The following ABCA12 variants were observed in gnomAD, a reference collection of about 807,000 sequenced individuals.
ABCA12 encodes the protein ATP binding cassette subfamily A member 12.
A neutral mutation model predicts 293.5 loss-of-function variants in ABCA12; 156 were observed. That is an observed-to-expected ratio of 0.53 (90% CI 0.47 to 0.61). The LOEUF (loss-of-function observed/expected upper bound fraction) is 0.61. Among genes scored for constraint, ABCA12 ranks in the 20% least tolerant of loss-of-function variants. The pLI, the probability that ABCA12 is intolerant of heterozygous loss-of-function variation, is 0.00. For missense variants in ABCA12, 2,797 were observed against 3,090.2 expected (o/e 0.91, Z 2.25); for synonymous variants, 1,063 against 1,108.0 (o/e 0.96, Z 0.81).
At chr2:214,949,231 T>G (rs1698675028) in intron 45 of ABCA12, 82 bp from the exon 46 acceptor site, 2 of 960,726 alleles carry the variant, frequency 2.1e-6, no homozygotes, top group Non-Finnish European at 3.4e-6. Context: ...CTCTTCTCCC[T>G]GGGTGAAATA....
Position 215,004,204 on chromosome 2 carries a change from C to G in ABCA12, c.2683+5G>C, listed in dbSNP as rs1471001478. 1.9e-6 allele frequency: 3 copies of G among 1,612,060 alleles called. No individual in the cohort carries two copies. The African/African-American group carries it at 4.0e-5, about 22-fold the overall frequency. On this transcript the variant is annotated splice_donor_5th_base_variant and intron_variant, in intron 20 of 52. Transcript: ENST00000272895. ...TGAATAAAAGCTTTGTGAATTTGGA[C>G]TCACCGAGTTCATCTATCTGTTTCA...
In ABCA12 at chr2:214,937,551, T is replaced by G; in HGVS notation, c.7501A>C (p.Thr2501Pro). 1 of 1,614,000 alleles carries G rather than the reference T, an allele frequency of 6.2e-7. No homozygotes were observed. Among genetic ancestry groups the G allele is most frequent in the Non-Finnish European group, 8.5e-7 (1 of 1,179,914 alleles). Residue 2501 changes from threonine (T) to proline (P), a missense_variant, in exon 51 of 53, where the codon ACA becomes CCA. Physicochemically the swap from Thr to Pro is conservative, Grantham distance 38. Around this residue, in one of 3 missense-constraint regions of ABCA12, gnomAD observed 2,130 missense variants for 2,427.0 expected, o/e 0.88. Transcript: ENST00000272895. ...GGAAAGTGCAGCTGCATGAACTTTG[T>G]GAGGGTCTCCATGGTCACTTTGTTA... ...KNNKVTMETL[T>P]KFMQLHFPKT... is the part of the protein sequence containing the mutation.
At chr2:215,030,009 G>C (rs1481043536) in intron 9 of ABCA12, 1 of 152,134 alleles carries the variant, frequency 6.6e-6, no homozygotes, top group Non-Finnish European at 1.5e-5. Flanking sequence ...TTATTTTAAA[G>C]CTGGAATGGA....
chr2:215,135,011 G>A (rs1703180452), intron 1 of ABCA12, among the ~76,000 whole-genome samples: 1 of 151,950 alleles, frequency 6.6e-6, no homozygotes, highest in African/African-American at 2.4e-5. Flanking sequence ...TACCCACGCT[G>A]GAGTGCAGTG....
intron 23 of ABCA12, among the ~76,000 whole-genome samples, chr2:214,994,414 A>T (rs1336253643): frequency 6.6e-6 from 1 of 152,248 alleles, no homozygotes; most frequent in Non-Finnish European, 1.5e-5. Context: ...AGTTTATAGC[A>T]GAGAATAAGA....
intron 39 of ABCA12, 40 bp downstream of exon 39, chr2:214,966,806 CAG>C (rs1416663729): frequency 6.4e-7 from 1 of 1,571,738 alleles, no homozygotes; most frequent in Non-Finnish European, 8.8e-7. Flanking sequence ...CAAAGAGTAA[CAG>C]AAGTTGCAAT....
intron 2 of ABCA12, among the ~76,000 whole-genome samples, chr2:215,068,752 T>C (rs1701682100): frequency 6.6e-6 from 1 of 152,158 alleles, no homozygotes; most frequent in Non-Finnish European, 1.5e-5. Flanking sequence ...CTCCCCTCTC[T>C]GTATTCATTG....
At chr2:215,057,853 A>AAACAC (rs1334609831) in intron 3 of ABCA12, among the ~76,000 whole-genome samples, 1 of 152,046 alleles carries the variant, frequency 6.6e-6, no homozygotes, top group African/African-American at 2.4e-5. Context: ...TTAGAAAAGG[A>AAACAC]AACACCCAGC....
At chr2:215,013,489 C>A (rs534279341) in intron 15 of ABCA12, 2 of 153,820 alleles carry the variant, frequency 1.3e-5, no homozygotes, top group Admixed American at 6.5e-5. Flanking sequence ...ACCTCAATAG[C>A]AGAGCTCCTG....
chr2:215,086,149 G>A (rs997908925), intron 2 of ABCA12, among the ~76,000 whole-genome samples: 3 of 152,188 alleles, frequency 2.0e-5, no homozygotes, highest in East Asian at 1.9e-4. Flanking sequence ...CATCATGACT[G>A]GCCAAAGGAT....
intron 2 of ABCA12, among the ~76,000 whole-genome samples, chr2:215,090,480 C>A (rs1702121413): frequency 6.6e-6 from 1 of 152,294 alleles, no homozygotes; most frequent in Middle Eastern, 3.4e-3. Context: ...TCTCTAACCT[C>A]TCTTGCTATC....
chr2:214,963,605 CAAA>C lies in ABCA12; in HGVS notation c.5884+3240_5884+3242del, dbSNP rs57895778. On this transcript the variant is annotated intron_variant, in intron 39 of 52. Transcript: ENST00000272895. ...TGATACCAAAACCTGGCAGAGATAC[CAAA>C]AAAAAAAAAAAAAAAAAAAAAGAGG... Among the ~76,000 whole-genome samples the C allele has an allele frequency of 2.4e-3, 169 of 70,180 alleles. 2 individuals carry two copies. Among genetic ancestry groups the C allele is most frequent in the African/African-American group, 8.9e-3 (157 of 17,618 alleles). 46.0% of individuals were successfully genotyped at this position (70,180 alleles called of 152,430 possible).
chr2:215,052,511 G>A lies in ABCA12; in HGVS notation c.483C>T (p.Leu161=), dbSNP rs1267261264. 10 of 1,612,452 alleles carry A rather than the reference G, an allele frequency of 6.2e-6. No individual in the cohort carries two copies. Among genetic ancestry groups the A allele is most frequent in the East Asian group, 4.5e-5 (2 of 44,812 alleles). The part of the protein sequence containing the change: ...GTYTFNGSQV[L]ARILGLEKLL... ...CCTTTTCCAAGCCAAGAATTCGTGC[G>A]AGCACTTGACTGCCATTGAAAGTAT... Residue 161 remains leucine (L), a synonymous_variant, in exon 5 of 53, where the codon CTC becomes CTT. Coordinates refer to ENST00000272895, the MANE Select transcript of ABCA12 (RefSeq NM_173076.3).
intron 28 of ABCA12, among the ~76,000 whole-genome samples, chr2:214,985,062 C>T (rs945330736): frequency 6.6e-6 from 1 of 152,214 alleles, no homozygotes; most frequent in Non-Finnish European, 1.5e-5. Context: ...CCTTGCAGTG[C>T]AGACTTCTGG....
At chr2:214,992,462 G>GGA (rs1699934092) in intron 23 of ABCA12, among the ~76,000 whole-genome samples, 1 of 77,360 alleles carries the variant, frequency 1.3e-5, no homozygotes, top group Non-Finnish European at 2.1e-5. Context: ...AAAAAAAAAT[G>GGA]AAAAAAAAAA....
chr2:214,996,955 G>A (rs1276586618), intron 23 of ABCA12, among the ~76,000 whole-genome samples: 2 of 152,104 alleles, frequency 1.3e-5, no homozygotes, highest in African/African-American at 4.8e-5. Flanking sequence ...TATAAGAAGG[G>A]ACTCATTATG....
At chr2:214,935,441 A>T (rs1237945937) in intron 51 of ABCA12, among the ~76,000 whole-genome samples, 1 of 152,220 alleles carries the variant, frequency 6.6e-6, no homozygotes, top group African/African-American at 2.4e-5. Flanking sequence ...TGCAAGAAAG[A>T]TGTCCTTTTA....
chr2:214,993,807 C>T (rs1025402138), intron 23 of ABCA12, among the ~76,000 whole-genome samples: 2 of 152,128 alleles, frequency 1.3e-5, no homozygotes, highest in African/African-American at 2.4e-5. Context: ...CAATTGATAG[C>T]TTTCTAGAAA....
At chr2:215,058,809 C>T (rs1019570159) in intron 3 of ABCA12, among the ~76,000 whole-genome samples, 1 of 151,938 alleles carries the variant, frequency 6.6e-6, no homozygotes, top group Non-Finnish European at 1.5e-5. Context: ...ATACAGGAAA[C>T]ATTTTGGATT....
Sources: gnomAD v4.1 joint callset for allele counts (sites outside exome capture counted in the v4.1 genomes callset) on GRCh38, gnomAD v4.1.1 for gene constraint, gnomAD v4.1.1 regional missense constraint, MANE v1.5 for transcripts, NCBI Gene and HGNC (gene_info 2026-07-23, HGNC 2026-07-21) for gene names.